RAB31: variants seen among roughly 807,000 people sequenced by gnomAD.
The protein encoded by RAB31 is RAB31, member RAS oncogene family.
RAB31 carries 21 observed loss-of-function variants against 25.6 expected under a neutral mutation model. The ratio of observed to expected loss-of-function variants is 0.82; its 90% confidence interval spans 0.58 to 1.18. RAB31 has a LOEUF of 1.18. RAB31 is among the 50% of genes most tolerant of loss of function. RAB31 has a pLI of 0.00. For missense variants in RAB31, 196 were observed against 250.1 expected, an observed-to-expected ratio of 0.78 and a Z score of 1.46; for synonymous variants, 87 against 84.0, an observed-to-expected ratio of 1.04 and a Z score of -0.20.
chr18:9,786,221 TAAAAGAA>T (rs969626720), intron 2 of RAB31, among the ~76,000 whole-genome samples: 7 of 152,062 alleles, frequency 4.6e-5, no homozygotes, highest in African/African-American at 1.7e-4. Flanking sequence ...CATAAAAACT[TAAAAGAA>T]AAGTGTTCAG....
At chr18:9,764,824 T>C (rs2068307019) in intron 1 of RAB31, among the ~76,000 whole-genome samples, 2 of 152,214 alleles carry the variant, frequency 1.3e-5, no homozygotes. Flanking sequence ...ATCTAAATGC[T>C]TGAGTTCACT....
At position 9,814,092 on chromosome 18, in the gene RAB31, G is replaced by A. The variant is rs1306961028; in HGVS notation, c.273+1G>A. On this transcript the variant is annotated splice_donor_variant, in intron 4 of 6. Transcript: ENST00000578921. LOFTEE classifies it high-confidence loss of function. ...TATCGTGTATGATATTACCAAGCAG[G>A]TAAGAATGTCTCCTTCAGAATTTAG... The A allele has an allele frequency of 1.9e-6, 3 of 1,565,348 alleles. No homozygotes were observed. Among genetic ancestry groups the A allele is most frequent in the Non-Finnish European group, 2.6e-6 (3 of 1,144,340 alleles).
chr18:9,773,833 A>C (rs1360417887), intron 1 of RAB31, among the ~76,000 whole-genome samples: 1 of 151,636 alleles, frequency 6.6e-6, no homozygotes, highest in Non-Finnish European at 1.5e-5. Context: ...TAATTTTTAC[A>C]TTTTTTTGTA....
intron 1 of RAB31, among the ~76,000 whole-genome samples, chr18:9,733,274 C>T (rs1266963891): frequency 1.3e-5 from 2 of 152,176 alleles, no homozygotes; most frequent in Non-Finnish European, 2.9e-5. Flanking sequence ...GATCCTGGAT[C>T]CTTCCTCTTC....
chr18:9,772,182 A>C (rs956885335), intron 1 of RAB31, among the ~76,000 whole-genome samples: 5 of 151,864 alleles, frequency 3.3e-5, no homozygotes, highest in Admixed American at 6.6e-5. Flanking sequence ...AGAGTAAATG[A>C]TAGATTCCAA....
At chr18:9,857,734 A>T (rs1388507390) in intron 6 of RAB31, among the ~76,000 whole-genome samples, 4 of 151,846 alleles carry the variant, frequency 2.6e-5, no homozygotes, top group African/African-American at 4.8e-5. Context: ...ATAGATATAG[A>T]TATTCATTTT....
intron 5 of RAB31, among the ~76,000 whole-genome samples, chr18:9,837,367 A>G (rs1175832875): frequency 6.6e-6 from 1 of 152,272 alleles, no homozygotes; most frequent in Non-Finnish European, 1.5e-5. Context: ...TGAAATCATG[A>G]GACTTACAGA....
intron 5 of RAB31, among the ~76,000 whole-genome samples, chr18:9,835,206 C>T (rs778098627): frequency 1.3e-5 from 2 of 152,100 alleles, no homozygotes; most frequent in African/African-American, 4.8e-5. Context: ...TGTTCTTGAC[C>T]GTCATGGTAT....
At chr18:9,717,186 C>G (rs1180835110) in intron 1 of RAB31, among the ~76,000 whole-genome samples, 2 of 152,062 alleles carry the variant, frequency 1.3e-5, no homozygotes, top group Non-Finnish European at 2.9e-5. Context: ...CTCAAGTGAT[C>G]CTCCTGCTTC....
chr18:9,755,831 G>A (rs1360218109), intron 1 of RAB31, among the ~76,000 whole-genome samples: 1 of 152,226 alleles, frequency 6.6e-6, no homozygotes, highest in African/African-American at 2.4e-5. Flanking sequence ...AATGGAAGAG[G>A]AAGTGGGGGC....
chr18:9,845,725 T>G (rs2068758658), intron 6 of RAB31, 34 bp downstream of exon 6: 1 of 1,516,848 alleles, frequency 6.6e-7, no homozygotes, highest in African/African-American at 1.4e-5. Flanking sequence ...CAGCCCAACT[T>G]GCATTTTTAT....
At chr18:9,841,775 A>G (rs2068735831) in intron 5 of RAB31, among the ~76,000 whole-genome samples, 1 of 152,178 alleles carries the variant, frequency 6.6e-6, no homozygotes, top group Admixed American at 6.5e-5. Context: ...ACGATGGAAT[A>G]TCAGATGAGT....
chr18:9,716,925 T>C lies in RAB31; in HGVS notation c.39+8481T>C, dbSNP rs191182110. Among the ~76,000 whole-genome samples, 11 of 151,198 alleles carry C rather than the reference T, an allele frequency of 7.3e-5. No homozygotes were observed. In the East Asian group the frequency reaches 2.1e-3, roughly 29 times the overall value. ...ACTTGGCTAATTTTCTTTCTTTCTT[T>C]CTTTCTTTTTTTTTTGGTAGAGATG... On this transcript the variant is annotated intron_variant, in intron 1 of 6. Coordinates refer to ENST00000578921, the MANE Select transcript of RAB31 (RefSeq NM_006868.4).
intron 5 of RAB31, among the ~76,000 whole-genome samples, chr18:9,838,865 C>T (rs2068718091): frequency 6.6e-6 from 1 of 152,196 alleles, no homozygotes; most frequent in African/African-American, 2.4e-5. Context: ...CTGGGTGAGC[C>T]TCTTGTCCCG....
chr18:9,733,994 T>G (rs1056947085), intron 1 of RAB31, among the ~76,000 whole-genome samples: 1 of 151,284 alleles, frequency 6.6e-6, no homozygotes. Context: ...TTAATACAAA[T>G]GTAAAGAGGG....
chr18:9,851,625 G>A (rs567793584), intron 6 of RAB31, among the ~76,000 whole-genome samples: 1 of 152,286 alleles, frequency 6.6e-6, no homozygotes, highest in Non-Finnish European at 1.5e-5. Flanking sequence ...CCATTGCACA[G>A]CGTGGTTTAT....
At chr18:9,792,038 C>T in intron 2 of RAB31, 116 bp from the exon 3 acceptor site, 1 of 1,398,228 alleles carries the variant, frequency 7.2e-7, no homozygotes, top group Non-Finnish European at 9.5e-7. Context: ...TTAGTGGTTC[C>T]CAAGGACCAG....
Position 9,708,715 on chromosome 18 carries a change from G to T in RAB31, c.39+271G>T, listed in dbSNP as rs1011372881. On this transcript the variant is annotated intron_variant, in intron 1 of 6. Coordinates refer to ENST00000578921, the MANE Select transcript of RAB31 (RefSeq NM_006868.4). The surrounding 1 kb of genome is among the most constrained non-coding windows in gnomAD (Gnocchi z 6.4). ...CCGTGCGCCCCTCTGGTCCGCCCCCGCTCTCACCCTGCCGGGGTCCGGGTC... is the reference window on the plus strand; with the variant it reads ...CCGTGCGCCCCTCTGGTCCGCCCCCTCTCTCACCCTGCCGGGGTCCGGGTC... Among the ~76,000 whole-genome samples, 21 of 151,878 alleles carry T rather than the reference G, an allele frequency of 1.4e-4. No individual in the cohort carries two copies. The highest frequency in any genetic ancestry group is 3.9e-4 in the Admixed American group (6 of 15,268).
intron 6 of RAB31, among the ~76,000 whole-genome samples, chr18:9,858,603 T>A (rs1021947897): frequency 6.6e-6 from 1 of 152,210 alleles, no homozygotes; most frequent in African/African-American, 2.4e-5. Flanking sequence ...TGATAATTTT[T>A]AAAATTAAGT....
Sources: allele counts gnomAD v4.1 joint callset (sites outside exome capture counted in the v4.1 genomes callset), GRCh38; gene constraint gnomAD v4.1.1; non-coding constraint Gnocchi (gnomAD v3.1); transcripts MANE v1.5; gene names NCBI Gene and HGNC (gene_info 2026-07-23, HGNC 2026-07-21).